Variants in ZNF536 observed in about 807,000 individuals in gnomAD.
ZNF536 encodes zinc finger protein 536.
In ZNF536, 13 loss-of-function variants were observed where a neutral mutation model predicts 84.5. That is an observed-to-expected ratio of 0.15 (90% CI 0.10 to 0.24). The LOEUF is 0.24. Ranked by LOEUF, ZNF536 falls within the 10% of genes least tolerant of loss-of-function variation. ZNF536 has a pLI of 1.00. For synonymous variants in ZNF536, 811 were observed against 742.5 expected, an observed-to-expected ratio of 1.09 and a Z score of -1.50; for missense variants, 1,536 against 1,747.5, an observed-to-expected ratio of 0.88 and a Z score of 2.16.
In ZNF536 at chr19:30,377,846, A is replaced by G. The variant is rs2048875885; in HGVS notation, c.-3+5290A>G. On this transcript the variant is annotated intron_variant, in intron 1 of 4. Coordinates refer to ENST00000355537, the MANE Select transcript of ZNF536 (RefSeq NM_014717.3). Reference sequence around the variant, plus strand: ...GGAATACCTCACTTTCTGGGAATGCAGTCCAGCAGGTCTCAGCCTCATTTT... The same window carrying G: ...GGAATACCTCACTTTCTGGGAATGCGGTCCAGCAGGTCTCAGCCTCATTTT... 2.0e-5 allele frequency among the ~76,000 whole-genome samples: 3 copies of G among 152,316 alleles called. No homozygotes were observed. The South Asian group carries it at 6.2e-4, about 32-fold the overall frequency.
intron 1 of ZNF536, among the ~76,000 whole-genome samples, chr19:30,693,023 GGAGAGA>G (rs10547153): frequency 1.1e-4 from 16 of 148,358 alleles, no homozygotes; most frequent in East Asian, 5.9e-4. Flanking sequence ...AACCTGGGGG[GGAGAGA>G]GAGAGAGAGA....
chr19:30,560,402 G>T (rs963259047), downstream of ZNF536, among the ~76,000 whole-genome samples: 1 of 151,730 alleles, frequency 6.6e-6, no homozygotes, highest in Admixed American at 6.6e-5. Flanking sequence ...CCATCCCCAT[G>T]TGGAAATATA....
In ZNF536 at chr19:30,445,429, C is replaced by G. The variant is rs2052278182; in HGVS notation, c.1867C>G (p.Pro623Ala). The G allele has an allele frequency of 6.2e-7, 1 of 1,614,030 alleles. No individual in the cohort carries two copies. Among genetic ancestry groups the G allele is most frequent in the Non-Finnish European group, 8.5e-7 (1 of 1,180,026 alleles). The change falls in exon 2 of 5, where the codon CCT (proline) becomes GCT (alanine). Residue 623 changes from proline (P) to alanine (A), a missense_variant. Around this residue, in one of 8 missense-constraint regions of ZNF536, gnomAD observed 366 missense variants for 364.4 expected, o/e 1.00. Coordinates refer to ENST00000355537, the MANE Select transcript of ZNF536 (RefSeq NM_014717.3). This position sits in a 1 kb window ranked among gnomAD's most constrained non-coding sequence, Gnocchi z 4.5. ...NQTLEYNLQG[P>A]GNMKEKPTEC... ...GACTCTCGAGTATAACCTGCAGGGT[C>G]CTGGGAACATGAAGGAGAAGCCCAC...
chr19:30,572,438 G>A (rs1271585449), intron 1 of ZNF536, among the ~76,000 whole-genome samples: 3 of 152,142 alleles, frequency 2.0e-5, no homozygotes, highest in African/African-American at 7.2e-5. Context: ...GGCCATTCTG[G>A]AAACACTGTG....
intron 1 of ZNF536, among the ~76,000 whole-genome samples, chr19:30,250,361 G>A (rs2024537387): frequency 6.6e-6 from 1 of 152,340 alleles, no homozygotes; most frequent in East Asian, 1.9e-4. Context: ...ATTAATAGGT[G>A]ATTTAAAGCT....
At chr19:30,382,651 T>C (rs2049067254) in intron 1 of ZNF536, among the ~76,000 whole-genome samples, 1 of 152,012 alleles carries the variant, frequency 6.6e-6, no homozygotes, top group South Asian at 2.1e-4. Flanking sequence ...AAGTTACTAA[T>C]GCATCACCCA....
intron 2 of ZNF536, among the ~76,000 whole-genome samples, chr19:30,316,314 C>T (rs1233742205): frequency 6.6e-6 from 1 of 152,166 alleles, no homozygotes; most frequent in African/African-American, 2.4e-5. Flanking sequence ...TAAATGTTTG[C>T]CAGTATGAAG....
At chr19:30,615,957 T>C (rs1028064513) in intron 1 of ZNF536, among the ~76,000 whole-genome samples, 5 of 152,176 alleles carry the variant, frequency 3.3e-5, no homozygotes, top group Admixed American at 2.0e-4. Flanking sequence ...TCAAATCTTT[T>C]TCTCGATCAT....
At chr19:30,699,657 C>G (rs192410670) in intron 1 of ZNF536, among the ~76,000 whole-genome samples, 1 of 152,028 alleles carries the variant, frequency 6.6e-6, no homozygotes, top group Admixed American at 6.5e-5. Context: ...CTCTGTGGGC[C>G]TAGTGATTCT....
intron 2 of ZNF536, among the ~76,000 whole-genome samples, chr19:30,340,225 C>T (rs2047521745): frequency 6.6e-6 from 1 of 152,166 alleles, no homozygotes; most frequent in African/African-American, 2.4e-5. Context: ...TCTGGGGGAA[C>T]ACCGGCCAGG....
chr19:30,580,635 G>C (rs986670972), intron 1 of ZNF536, among the ~76,000 whole-genome samples: 6 of 152,206 alleles, frequency 3.9e-5, no homozygotes, highest in Non-Finnish European at 5.9e-5. Flanking sequence ...TCAGCCAATG[G>C]ATGCTCTGGC....
At chr19:30,681,309 A>G (rs1319503842) in intron 1 of ZNF536, among the ~76,000 whole-genome samples, 1 of 152,152 alleles carries the variant, frequency 6.6e-6, no homozygotes, top group Non-Finnish European at 1.5e-5. Context: ...GGCCTGTGCA[A>G]GGTGCTGAGG....
intron 1 of ZNF536, among the ~76,000 whole-genome samples, chr19:30,283,715 G>C (rs2145677312): frequency 6.6e-6 from 1 of 150,596 alleles, no homozygotes; most frequent in East Asian, 2.0e-4. Flanking sequence ...AAAGAAGAGA[G>C]ACAGCGAGAG....
chr19:30,659,952 G>GGTGTGT (rs5827727), intron 1 of ZNF536, among the ~76,000 whole-genome samples: 1,458 of 101,276 alleles, frequency 0.014, 27 homozygotes, highest in African/African-American at 0.057. Context: ...TTGACACAAG[G>GGTGTGT]GTGTGTGTGT....
chr19:30,433,564 C>G (rs1226271894), intron 1 of ZNF536, among the ~76,000 whole-genome samples: 1 of 152,200 alleles, frequency 6.6e-6, no homozygotes, highest in Non-Finnish European at 1.5e-5. Context: ...ATGGCGCGAT[C>G]TCGGTTCACC....
intron 2 of ZNF536, among the ~76,000 whole-genome samples, chr19:30,533,332 G>A (rs1322360700): frequency 6.6e-6 from 1 of 152,076 alleles, no homozygotes; most frequent in Non-Finnish European, 1.5e-5. Flanking sequence ...ACCAGCCTGG[G>A]CAAGATAGCA....
rs869076590 is a variant in ZNF536, at chr19:30,326,791, CTTTTTTTTTTT to C, written c.-119-25560_-119-25550del. On this transcript the variant is annotated intron_variant, in intron 2 of 5. Transcript: ENST00000585628. ...ACTGGGAGATTTTTTTTATAAAAAG[CTTTTTTTTTTT>C]TTTTTTTTTTTTTTTTGTTTTCTAG... Among the ~76,000 whole-genome samples the C allele has an allele frequency of 2.6e-3, 133 of 51,974 alleles. 2 individuals carry two copies. The highest frequency in any genetic ancestry group is 4.9e-3 in the South Asian group (4 of 818). 34.1% of individuals were successfully genotyped at this position (51,974 alleles called of 152,430 possible).
At chr19:30,275,429 C>T (rs561144673) in intron 1 of ZNF536, among the ~76,000 whole-genome samples, 9 of 152,296 alleles carry the variant, frequency 5.9e-5, no homozygotes, top group South Asian at 2.1e-4. Context: ...CCTGAGGATA[C>T]GGCCATGGGG....
rs376403264 is a variant in ZNF536, at chr19:30,376,987, A to G, written c.-3+4431A>G. The stretch of plus-strand genomic sequence containing the variant: ...TGCTACTTGGCTGCCCTGTGGGCTC[A>G]TAGTCCATCAGGGGAGGCTGGCAGG... On this transcript the variant is annotated intron_variant, in intron 1 of 4. Transcript: ENST00000355537. Among the ~76,000 whole-genome samples, 8 of 152,326 alleles carry G rather than the reference A, an allele frequency of 5.3e-5. No homozygotes were observed. The East Asian group carries it at 1.4e-3, about 26-fold the overall frequency.
Sources: gnomAD v4.1 joint callset for allele counts (sites outside exome capture counted in the v4.1 genomes callset) on GRCh38, gnomAD v4.1.1 for gene constraint, gnomAD v4.1.1 regional missense constraint, Gnocchi (gnomAD v3.1) non-coding constraint, MANE v1.5 for transcripts, NCBI Gene and HGNC (gene_info 2026-07-23, HGNC 2026-07-21) for gene names.